Variants in ARHGAP15 observed in about 807,000 individuals in gnomAD.
ARHGAP15 encodes the protein Rho GTPase activating protein 15, also known as rho GTPase-activating protein 15.
ARHGAP15 carries 51 observed loss-of-function variants against 63.7 expected under a neutral mutation model. The ratio of observed to expected loss-of-function variants is 0.80; its 90% CI spans 0.64 to 1.01. ARHGAP15 has a LOEUF of 1.01. Among genes scored for constraint, ARHGAP15 ranks in the 50% least tolerant of loss-of-function variants. ARHGAP15 has a pLI of 0.00. For missense variants in ARHGAP15, 560 were observed against 564.6 expected, an observed-to-expected ratio of 0.99 and a Z score of 0.08; for synonymous variants, 191 against 193.8, an observed-to-expected ratio of 0.99 and a Z score of 0.12.
At chr2:143,482,765 C>T (rs1035866707) in intron 8 of ARHGAP15, among the ~76,000 whole-genome samples, 5 of 152,324 alleles carry the variant, frequency 3.3e-5, no homozygotes, top group Admixed American at 1.3e-4. Context: ...TTTATATCCA[C>T]GCACTTCTTA....
chr2:143,215,940 T>C (rs953352995), intron 3 of ARHGAP15, among the ~76,000 whole-genome samples: 2 of 152,238 alleles, frequency 1.3e-5, no homozygotes, highest in Non-Finnish European at 2.9e-5. Flanking sequence ...TGCCCTTCCA[T>C]GATTCAACTA....
chr2:143,283,967 C>A (rs947834933), intron 6 of ARHGAP15, among the ~76,000 whole-genome samples: 2 of 152,082 alleles, frequency 1.3e-5, no homozygotes, highest in African/African-American at 4.8e-5. Flanking sequence ...CTCATCTAAG[C>A]ACCAGTCATT....
chr2:143,496,360 A>G (rs1413445149), intron 9 of ARHGAP15, among the ~76,000 whole-genome samples: 1 of 152,240 alleles, frequency 6.6e-6, no homozygotes, highest in Non-Finnish European at 1.5e-5. Context: ...TATTAAAAGC[A>G]GAATAGCTTT....
intron 1 of ARHGAP15, among the ~76,000 whole-genome samples, chr2:143,132,061 T>G (rs1688935972): frequency 6.6e-6 from 1 of 152,202 alleles, no homozygotes; most frequent in African/African-American, 2.4e-5. Context: ...ACTTAGAAAT[T>G]ATTTAACATA....
chr2:143,269,712 ATATT>A (rs1681173385), intron 6 of ARHGAP15, among the ~76,000 whole-genome samples: 1 of 152,162 alleles, frequency 6.6e-6, no homozygotes, highest in Admixed American at 6.5e-5. Context: ...TACTTTTAAA[ATATT>A]TATTTTTACT....
At chr2:143,679,609 T>C (rs1380999232) in intron 12 of ARHGAP15, among the ~76,000 whole-genome samples, 1 of 151,930 alleles carries the variant, frequency 6.6e-6, no homozygotes, top group Non-Finnish European at 1.5e-5. Context: ...CTCTGTCCTT[T>C]TTTATAGATG....
chr2:143,603,273 T>G (rs1214744348), intron 11 of ARHGAP15, among the ~76,000 whole-genome samples: 2 of 152,190 alleles, frequency 1.3e-5, no homozygotes, highest in Non-Finnish European at 2.9e-5. Context: ...TGCAGAGAGT[T>G]ACCTCAGGCT....
chr2:143,302,247 A>G (rs1388998475), intron 6 of ARHGAP15, among the ~76,000 whole-genome samples: 2 of 151,970 alleles, frequency 1.3e-5, no homozygotes, highest in Non-Finnish European at 2.9e-5. Flanking sequence ...GTGTGATTCT[A>G]CATTTAAAAT....
chr2:143,599,745 T>C (rs1490536050), intron 11 of ARHGAP15, among the ~76,000 whole-genome samples: 2 of 152,202 alleles, frequency 1.3e-5, no homozygotes, highest in Admixed American at 6.6e-5. Flanking sequence ...GTCTAATCTA[T>C]GCTTGACGCT....
intron 1 of ARHGAP15, among the ~76,000 whole-genome samples, chr2:143,142,014 T>C (rs1689390428): frequency 6.6e-6 from 1 of 152,136 alleles, no homozygotes; most frequent in Non-Finnish European, 1.5e-5. Flanking sequence ...AGCTGTCTCT[T>C]ACCATACACA....
intron 13 of ARHGAP15, among the ~76,000 whole-genome samples, chr2:143,756,338 A>G (rs534245716): frequency 2.0e-4 from 30 of 152,342 alleles, no homozygotes; most frequent in Middle Eastern, 6.8e-3. Flanking sequence ...ATCCATGCAC[A>G]ACACTCAAAG....
At chr2:143,530,454 A>G (rs1694473637) in intron 10 of ARHGAP15, among the ~76,000 whole-genome samples, 1 of 152,180 alleles carries the variant, frequency 6.6e-6, no homozygotes, top group African/African-American at 2.4e-5. Context: ...CATAAAACTG[A>G]GGGATTCGAC....
intron 1 of ARHGAP15, among the ~76,000 whole-genome samples, chr2:143,151,168 G>A (rs2105002034): frequency 6.6e-6 from 1 of 152,112 alleles, no homozygotes; most frequent in South Asian, 2.1e-4. Context: ...CTAGGTTCTG[G>A]AAGCCAAGTC....
At chr2:143,175,049 C>A (rs1254451644) in intron 2 of ARHGAP15, among the ~76,000 whole-genome samples, 2 of 152,184 alleles carry the variant, frequency 1.3e-5, no homozygotes, top group East Asian at 3.9e-4. Context: ...CCCAATGAAC[C>A]TGCAGATGCA....
intron 6 of ARHGAP15, among the ~76,000 whole-genome samples, chr2:143,261,545 C>A (rs2105017088): frequency 6.6e-6 from 1 of 151,190 alleles, no homozygotes; most frequent in Non-Finnish European, 1.5e-5. Context: ...GACGGGGTTT[C>A]ACCATGTTGG....
intron 11 of ARHGAP15, among the ~76,000 whole-genome samples, chr2:143,574,158 A>G (rs183762665): frequency 6.6e-6 from 1 of 152,262 alleles, no homozygotes; most frequent in Admixed American, 6.5e-5. Context: ...CTCTGCAGCC[A>G]CACTGACACT....
intron 11 of ARHGAP15, among the ~76,000 whole-genome samples, chr2:143,603,493 T>C (rs932309363): frequency 6.6e-6 from 1 of 152,156 alleles, no homozygotes. Context: ...TGTATTGTTG[T>C]TTGACTTTTC....
intron 9 of ARHGAP15, among the ~76,000 whole-genome samples, chr2:143,501,582 CA>C (rs1348463041): frequency 6.6e-6 from 1 of 152,220 alleles, no homozygotes; most frequent in Non-Finnish European, 1.5e-5. Context: ...CAGATACCTC[CA>C]GTTCTCTAGC....
Position 143,413,966 on chromosome 2 carries a change from T to TGTGTGTGTGTGCGCGCGCGCGC in ARHGAP15, c.475-21634_475-21633insTGTGTGTGTGCGCGCGCGCGCG. Among the ~76,000 whole-genome samples the TGTGTGTGTGTGCGCGCGCGCGC allele has an allele frequency of 7.4e-3, 871 of 117,832 alleles. 16 individuals carry two copies. The highest frequency in any genetic ancestry group is 0.036 in the Admixed American group (392 of 10,822). The allele number at this position is 117,832 out of a possible 152,430, so 77.3% of individuals were successfully genotyped here. A position where few individuals can be genotyped will look rare whatever the true frequency, so the allele number is the denominator to read the frequency against. ...GTGTGTGTGTGTGTGTGTGTGTGTG[T>TGTGTGTGTGTGCGCGCGCGCGC]GCGCGCTCTCTGGCAGAAAGTTAAT... On this transcript the variant is annotated intron_variant, in intron 6 of 13. Coordinates refer to ENST00000295095, the MANE Select transcript of ARHGAP15 (RefSeq NM_018460.4).
Sources: allele counts gnomAD v4.1 joint callset (sites outside exome capture counted in the v4.1 genomes callset), GRCh38; gene constraint gnomAD v4.1.1; transcripts MANE v1.5; gene names NCBI Gene and HGNC (gene_info 2026-07-23, HGNC 2026-07-21).